FBLN2: variants seen among roughly 807,000 people sequenced by gnomAD.
FBLN2 encodes the protein fibulin 2, also known as fibulin-2.
A neutral mutation model predicts 123.7 loss-of-function variants in FBLN2; 81 were observed. The ratio of observed to expected loss-of-function variants is 0.65; its 90% CI spans 0.55 to 0.79. FBLN2 has a LOEUF of 0.79. FBLN2 is among the 30% of genes least tolerant of loss of function. The pLI is 0.00. For synonymous variants in FBLN2, 699 were observed against 701.4 expected, an observed-to-expected ratio of 1.00 and a Z score of 0.05; for missense variants, 1,603 against 1,681.3, an observed-to-expected ratio of 0.95 and a Z score of 0.81.
chr3:13,576,940 A>C (rs916462207), intron 2 of FBLN2, among the ~76,000 whole-genome samples: 5 of 152,194 alleles, frequency 3.3e-5, no homozygotes, highest in Non-Finnish European at 7.3e-5. Flanking sequence ...AATTAAAGCA[A>C]GGTGAGGTGG....
At position 13,621,899 on chromosome 3, in the gene FBLN2, G is replaced by T. The variant is rs774669634; in HGVS notation, c.2280G>T (p.Ala760=). 9.9e-6 allele frequency: 16 copies of T among 1,613,038 alleles called. No individual in the cohort carries two copies. In the Admixed American group the frequency reaches 2.2e-4, roughly 22 times the overall value. Residue 760 remains alanine, a synonymous_variant, in exon 9 of 18, where the codon GCG becomes GCT. Transcript: ENST00000404922. ...GTGCCGATGGCTATATCCTCAATGC[G>T]CACAGGAAGTGCGTGGGTAAGCCAG... ...VLCADGYILN[A]HRKCVDINEC...
intron 4 of FBLN2, among the ~76,000 whole-genome samples, chr3:13,610,999 C>T (rs1008735275): frequency 1.2e-4 from 18 of 151,922 alleles, no homozygotes; most frequent in Admixed American, 2.6e-4. Flanking sequence ...CTCCACCTCC[C>T]GGGTTCAAGC....
intron 1 of FBLN2, among the ~76,000 whole-genome samples, chr3:13,550,787 G>A (rs1480182613): frequency 6.6e-6 from 1 of 152,208 alleles, no homozygotes; most frequent in Non-Finnish European, 1.5e-5. Context: ...GTGTGATGGG[G>A]GTGAGCAGGG....
At chr3:13,618,420 A>G in intron 6 of FBLN2, 135 bp downstream of exon 6, 1 of 770,712 alleles carries the variant, frequency 1.3e-6, no homozygotes, top group South Asian at 1.8e-5. Flanking sequence ...AGAAGCCTGA[A>G]GCTTCCAGTG....
chr3:13,591,954 C>T (rs1393633850), intron 2 of FBLN2, among the ~76,000 whole-genome samples: 3 of 151,508 alleles, frequency 2.0e-5, no homozygotes, highest in African/African-American at 7.3e-5. Context: ...TACTGCGTTA[C>T]ATTGTTAGCT....
At chr3:13,609,684 C>T (rs766102164) in intron 4 of FBLN2, 42 bp downstream of exon 4, 94 of 198,816 alleles carry the variant, frequency 4.7e-4, no homozygotes, top group Admixed American at 4.3e-3. Context: ...TGGGGTGGGG[C>T]GGGGCGGGAG....
rs199626220 is a variant in FBLN2, at chr3:13,637,624, C to G, written c.3401C>G (p.Thr1134Arg). Residue 1134 changes from threonine (T) to arginine (R), a missense_variant, in exon 18 of 18, where the codon ACG (threonine) becomes AGG (arginine). Physicochemically the swap from Thr to Arg is moderately conservative, Grantham distance 71. Coordinates refer to ENST00000404922, the MANE Select transcript of FBLN2 (RefSeq NM_001004019.2). ...TGCCAGAACTCGCCAGCGCGCATCA[C>G]GCACTACCAGCTCAACTTCCAGACG... ...LECQNSPARI[T>R]HYQLNFQTGL... 5.6e-6 allele frequency: 9 copies of G among 1,613,940 alleles called. No individual in the cohort carries two copies. In the Admixed American group the frequency reaches 1.3e-4, roughly 24 times the overall value.
intron 5 of FBLN2, 94 bp downstream of exon 5, chr3:13,614,258 G>A: frequency 8.0e-7 from 1 of 1,243,320 alleles, no homozygotes; most frequent in Admixed American, 2.3e-5. Flanking sequence ...ATCACCTGTG[G>A]CTTGAGACAC....
chr3:13,570,659 C>G lies in FBLN2; in HGVS notation c.304C>G (p.Pro102Ala), dbSNP rs775243258. Residue 102 changes from proline to alanine, a missense_variant, in exon 2 of 18, where the codon CCA becomes GCA. Coordinates refer to ENST00000404922, the MANE Select transcript of FBLN2 (RefSeq NM_001004019.2). ...CGGGAGCACTGAGTGCTCCTGCCCA[C>G]CAGGCGGCGGCAAGATCAGCTGCCA... is the stretch of plus-strand genomic sequence containing the variant. ...DFGSTECSCP[P>A]GGGKISCQFM... 77 of 1,584,008 alleles carry G rather than the reference C, an allele frequency of 4.9e-5. No homozygotes were observed. Among genetic ancestry groups the G allele is most frequent in the Non-Finnish European group, 6.4e-5 (75 of 1,166,420 alleles).
In FBLN2 at chr3:13,618,993, C is replaced by T. The variant is rs769907565; in HGVS notation, c.2029C>T (p.Leu677=). 4 of 1,612,280 alleles carry T rather than the reference C, an allele frequency of 2.5e-6. No homozygotes were observed. The highest frequency in any genetic ancestry group is 3.4e-6 in the Non-Finnish European group (4 of 1,179,318). The part of the protein sequence containing the change: ...QVASNTIPLP[L]PQPNTCKDNG... ...GGCCTCTAACACCATCCCGCTGCCA[C>T]TGCCGCAGCCCAATACCTGCAAAGG... Residue 677 remains leucine, a synonymous_variant, in exon 7 of 18, where the codon CTG becomes TTG. Transcript: ENST00000404922.
intron 2 of FBLN2, among the ~76,000 whole-genome samples, chr3:13,583,048 C>T (rs1704385705): frequency 6.6e-6 from 1 of 152,270 alleles, no homozygotes; most frequent in Non-Finnish European, 1.5e-5. Flanking sequence ...TCCCATGCTG[C>T]ACTCTTGTTT....
chr3:13,629,788 C>T lies in FBLN2; in HGVS notation c.2843-32C>T, dbSNP rs757171704. 5 of 1,551,502 alleles carry T rather than the reference C, an allele frequency of 3.2e-6. No homozygotes were observed. The African/African-American group carries it at 5.5e-5, about 17-fold the overall frequency. On this transcript the variant is annotated intron_variant, in intron 13 of 17. Transcript: ENST00000404922. ...TGGAGGGAGCTGGCTTTAGGGCCAC[C>T]TACCCTGTACCTGCTGCCTGCCCTC... is the stretch of plus-strand genomic sequence containing the variant.
At chr3:13,586,090 G>A (rs781629401) in intron 2 of FBLN2, among the ~76,000 whole-genome samples, 3 of 152,216 alleles carry the variant, frequency 2.0e-5, no homozygotes, top group Non-Finnish European at 4.4e-5. Flanking sequence ...ACGTCCCAGC[G>A]GGATAAGATG....
At position 13,576,063 on chromosome 3, in the gene FBLN2, C is replaced by G. The variant is rs1208361017; in HGVS notation, c.1306+4402C>G. On this transcript the variant is annotated intron_variant, in intron 2 of 17. Coordinates refer to ENST00000404922, the MANE Select transcript of FBLN2 (RefSeq NM_001004019.2). ...GTAAGCAGGCTGGAAGCAGAGTTGG[C>G]AGGGGTGGCAGCCGGTAGGCCTGGA... Among the ~76,000 whole-genome samples the G allele has an allele frequency of 2.6e-5, 4 of 152,328 alleles. No homozygotes were observed. The East Asian group carries it at 7.7e-4, about 29-fold the overall frequency.
rs1358501034 is a variant in FBLN2, at chr3:13,638,063, C to T, written c.*144C>T. The T allele has an allele frequency of 9.1e-6, 7 of 768,238 alleles. No homozygotes were observed. Among genetic ancestry groups the T allele is most frequent in the East Asian group, 2.7e-5 (1 of 37,160 alleles). The allele number at this position is 768,238 out of a possible 1,614,324, so 47.6% of individuals were successfully genotyped here. On this transcript the variant is annotated 3_prime_UTR_variant, in exon 18 of 18. Transcript: ENST00000404922. ...CTTGACTCCTGTGGCTTCTGGACCC[C>T]TCCTCTGCCCCGCAGGAGGAAGTTC...
At chr3:13,581,808 G>A (rs1281936696) in intron 2 of FBLN2, among the ~76,000 whole-genome samples, 3 of 152,168 alleles carry the variant, frequency 2.0e-5, no homozygotes, top group Non-Finnish European at 4.4e-5. Flanking sequence ...GGGATTACGA[G>A]TCCCTTCCCA....
At chr3:13,611,743 T>A (rs1432564753) in intron 4 of FBLN2, among the ~76,000 whole-genome samples, 1 of 152,232 alleles carries the variant, frequency 6.6e-6, no homozygotes. Flanking sequence ...GCTGTGAACA[T>A]GAGCAGAAGA....
At chr3:13,594,629 G>C (rs1466713117) in intron 2 of FBLN2, among the ~76,000 whole-genome samples, 1 of 152,188 alleles carries the variant, frequency 6.6e-6, no homozygotes, top group Non-Finnish European at 1.5e-5. Flanking sequence ...AGTGATCCTG[G>C]CTCCGTGGGC....
chr3:13,628,980 C>A lies in FBLN2; in HGVS notation c.2645C>A (p.Thr882Lys). The change falls in exon 12 of 18, where the codon ACA (threonine) becomes AAA (lysine). Residue 882 changes from threonine (T) to lysine (K), a missense_variant. By Grantham distance (78) the Thr-to-Lys change is moderately conservative (BLOSUM62 -1). Coordinates refer to ENST00000404922, the MANE Select transcript of FBLN2 (RefSeq NM_001004019.2). The part of the protein sequence containing the change: ...FSCINTVGSY[T>K]CQRNPLICAR... ...TGCATCAACACGGTGGGCTCCTACA[C>A]ATGCCAGAGGAACCCGCTGATCTGC... The A allele has an allele frequency of 1.2e-6, 2 of 1,613,618 alleles. No homozygotes were observed. Among genetic ancestry groups the A allele is most frequent in the East Asian group, 2.2e-5 (1 of 44,870 alleles).
Sources: gnomAD v4.1 joint callset for allele counts (sites outside exome capture counted in the v4.1 genomes callset) on GRCh38, gnomAD v4.1.1 for gene constraint, MANE v1.5 for transcripts, NCBI Gene and HGNC (gene_info 2026-07-23, HGNC 2026-07-21) for gene names.